The following SGCD variants were observed in gnomAD, a reference collection of about 807,000 sequenced individuals.
The protein encoded by SGCD is delta-sarcoglycan.
SGCD carries 18 observed loss-of-function variants against 36.6 expected under a neutral mutation model. That is an observed-to-expected ratio of 0.49 (90% CI 0.34 to 0.73). SGCD has a LOEUF of 0.73. Among genes scored for constraint, SGCD ranks in the 30% least tolerant of loss-of-function variants. SGCD has a pLI of 0.01. For synonymous variants in SGCD, 133 were observed against 130.6 expected, an observed-to-expected ratio of 1.02 and a Z score of -0.12; for missense variants, 387 against 346.7, an observed-to-expected ratio of 1.12 and a Z score of -0.92.
the SGCD span, among the ~76,000 whole-genome samples, chr5:155,767,015 C>T: frequency 7.2e-5 from 11 of 152,192 alleles, no homozygotes; most frequent in Non-Finnish European, 1.5e-4. Flanking sequence ...TACAGCCCAT[C>T]CTTGAATGAC....
At chr5:155,957,015 A>G (rs1326408122) in intron 1 of SGCD, among the ~76,000 whole-genome samples, 1 of 152,022 alleles carries the variant, frequency 6.6e-6, no homozygotes, top group Non-Finnish European at 1.5e-5. Context: ...CTATCACAGT[A>G]TGTATGGGGA....
In SGCD at chr5:156,086,130, C is replaced by T. The variant is rs546228955; in HGVS notation, c.-281-31748C>T. ...TATCACTTCAGGCAAGGTACGAAAA[C>T]CTCTATTTTGGTCATTGTAACTTTC... On this transcript the variant is annotated intron_variant, in intron 1 of 9. Transcript: ENST00000517913. Among the ~76,000 whole-genome samples, 3 of 152,278 alleles carry T rather than the reference C, an allele frequency of 2.0e-5. No individual in the cohort carries two copies. In the East Asian group the frequency reaches 5.8e-4, roughly 29 times the overall value.
rs192996291 is a variant in SGCD at position 156,535,051 on chromosome 5, T to C, written c.294+26349T>C. 1.8e-4 allele frequency among the ~76,000 whole-genome samples: 28 copies of C among 152,348 alleles called. No homozygotes were observed. In the East Asian group the frequency reaches 5.4e-3, roughly 29 times the overall value. ...CCTGCCAAAATTGTACCTTCTGAGC[T>C]GAAGCCAATTAAAATAAAAATCTCT... is the stretch of plus-strand genomic sequence containing the variant. On this transcript the variant is annotated intron_variant, in intron 4 of 8. Coordinates refer to ENST00000337851, the MANE Select transcript of SGCD (RefSeq NM_000337.6).
At chr5:156,600,245 A>T (rs931239715) in intron 6 of SGCD, among the ~76,000 whole-genome samples, 2 of 152,178 alleles carry the variant, frequency 1.3e-5, no homozygotes, top group African/African-American at 4.8e-5. Context: ...GCACAATAGA[A>T]CACCAGAACT....
chr5:155,827,992 G>A, the SGCD span, among the ~76,000 whole-genome samples: 42,066 of 151,672 alleles, frequency 0.28, 7,391 homozygotes, highest in East Asian at 0.44. Context: ...TGCCCAGCCT[G>A]AATAATTCTT....
chr5:155,942,334 G>GTATGTATGTATGTATC (rs779514666), intron 1 of SGCD, among the ~76,000 whole-genome samples: 12 of 138,502 alleles, frequency 8.7e-5, no homozygotes, highest in Non-Finnish European at 1.7e-4. Flanking sequence ...ATGTATGTAT[G>GTATGTATGTATGTATC]TATCTATCTA....
At chr5:156,417,528 A>G (rs995084005) in intron 3 of SGCD, among the ~76,000 whole-genome samples, 34 of 152,066 alleles carry the variant, frequency 2.2e-4, no homozygotes, top group African/African-American at 8.2e-4. Context: ...TAAACAACAG[A>G]AATTATTTTC....
chr5:156,303,695 T>C (rs1397332599), intron 3 of SGCD, among the ~76,000 whole-genome samples: 1 of 151,314 alleles, frequency 6.6e-6, no homozygotes, highest in Non-Finnish European at 1.5e-5. Context: ...CCAGGACTGG[T>C]AGGATTCCCA....
At chr5:155,901,172 G>A (rs57169797) in intron 1 of SGCD, among the ~76,000 whole-genome samples, 6,000 of 151,748 alleles carry the variant, frequency 0.04, 370 homozygotes, top group African/African-American at 0.14. Flanking sequence ...ATTAGCCGGC[G>A]GTGGTGGTGG....
At chr5:156,323,414 A>G (rs137881731), upstream of SGCD, among the ~76,000 whole-genome samples, 9 of 152,316 alleles carry the variant, frequency 5.9e-5, no homozygotes, top group African/African-American at 2.2e-4. Context: ...GTAGCTCCAG[A>G]TATGTTTAAT....
At chr5:156,286,552 T>C (rs1429016527) in intron 3 of SGCD, among the ~76,000 whole-genome samples, 1 of 152,174 alleles carries the variant, frequency 6.6e-6, no homozygotes, top group African/African-American at 2.4e-5. Flanking sequence ...GAAACCATCA[T>C]TCTCAGCAAA....
chr5:156,472,210 G>C (rs566220059), intron 3 of SGCD, among the ~76,000 whole-genome samples: 14 of 152,224 alleles, frequency 9.2e-5, no homozygotes, highest in African/African-American at 3.4e-4. Context: ...TTCTTAAAAA[G>C]CCAAATGTAT....
At chr5:156,727,658 G>C (rs538402665) in intron 7 of SGCD, among the ~76,000 whole-genome samples, 33 of 148,378 alleles carry the variant, frequency 2.2e-4, no homozygotes, top group African/African-American at 7.8e-4. Flanking sequence ...AAACTGTGAA[G>C]TTAGATCTGG....
chr5:156,417,264 C>A (rs1475599396), intron 3 of SGCD, among the ~76,000 whole-genome samples: 1 of 152,060 alleles, frequency 6.6e-6, no homozygotes. Context: ...TACTTCCATC[C>A]CTATTTCCCT....
intron 1 of SGCD, among the ~76,000 whole-genome samples, chr5:156,045,055 C>G (rs1231319644): frequency 6.6e-6 from 1 of 152,108 alleles, no homozygotes; most frequent in South Asian, 2.1e-4. Context: ...TACAGTTATT[C>G]CATGGCAGAA....
At chr5:156,070,561 G>T (rs146853940) in intron 1 of SGCD, among the ~76,000 whole-genome samples, 1 of 150,324 alleles carries the variant, frequency 6.7e-6, no homozygotes, top group Non-Finnish European at 1.5e-5. Context: ...TTTTGCATCA[G>T]TGTTCATCAA....
chr5:156,349,132 T>C (rs1769103289), intron 3 of SGCD, among the ~76,000 whole-genome samples: 1 of 151,942 alleles, frequency 6.6e-6, no homozygotes, highest in Admixed American at 6.6e-5. Flanking sequence ...ACCTGAAAAC[T>C]TCTAGAACAT....
At chr5:156,708,900 C>T (rs1754859987) in intron 7 of SGCD, among the ~76,000 whole-genome samples, 1 of 151,974 alleles carries the variant, frequency 6.6e-6, no homozygotes, top group Admixed American at 6.6e-5. Flanking sequence ...GCCTCTAGGG[C>T]AGTGAATTCT....
intron 1 of SGCD, among the ~76,000 whole-genome samples, chr5:155,910,751 G>C (rs1439630153): frequency 1.3e-5 from 2 of 152,084 alleles, no homozygotes; most frequent in Non-Finnish European, 2.9e-5. Flanking sequence ...AGAAAGAGAA[G>C]ATAAAATGAA....
Sources: allele counts gnomAD v4.1 joint callset (sites outside exome capture counted in the v4.1 genomes callset), GRCh38; gene constraint gnomAD v4.1.1; transcripts MANE v1.5; gene names NCBI Gene and HGNC (gene_info 2026-07-23, HGNC 2026-07-21).